KAZN: variants seen among roughly 807,000 people sequenced by gnomAD.
KAZN encodes kazrin.
A neutral mutation model predicts 87.4 loss-of-function variants in KAZN; 40 were observed. The ratio of observed to expected loss-of-function variants is 0.46; its 90% CI spans 0.36 to 0.60. The LOEUF is 0.60. Among genes scored for constraint, KAZN ranks in the 20% least tolerant of loss-of-function variants. KAZN has a pLI of 0.00. For missense variants in KAZN, 898 were observed against 1,073.9 expected (o/e 0.84, Z 2.29); for synonymous variants, 466 against 458.3 (o/e 1.02, Z -0.22).
At chr1:13,945,787 G>T (rs1641128818) in intron 1 of KAZN, among the ~76,000 whole-genome samples, 1 of 151,886 alleles carries the variant, frequency 6.6e-6, no homozygotes, top group Non-Finnish European at 1.5e-5. Flanking sequence ...GCCGGTGCCT[G>T]GTAGATGGGG....
At chr1:14,403,779 T>C (rs1019253776) in intron 2 of KAZN, among the ~76,000 whole-genome samples, 4 of 152,144 alleles carry the variant, frequency 2.6e-5, no homozygotes, top group Non-Finnish European at 4.4e-5. Flanking sequence ...TTGGTGAAAA[T>C]GCTACTGCTG....
At chr1:14,423,882 C>T (rs1665569343) in intron 2 of KAZN, among the ~76,000 whole-genome samples, 1 of 152,178 alleles carries the variant, frequency 6.6e-6, no homozygotes, top group Non-Finnish European at 1.5e-5. Flanking sequence ...CTGGGACCGT[C>T]CACATCAGCT....
chr1:13,945,710 T>TGTGTGTGTGTGTGTGA (rs757118365), intron 1 of KAZN, among the ~76,000 whole-genome samples: 8 of 137,182 alleles, frequency 5.8e-5, no homozygotes, highest in African/African-American at 2.0e-4. Flanking sequence ...TGTGTGTGTG[T>TGTGTGTGTGTGTGTGA]GAGAGAGAGA....
intron 2 of KAZN, among the ~76,000 whole-genome samples, chr1:14,489,457 C>G (rs191291978): frequency 1.5e-3 from 224 of 152,216 alleles, no homozygotes; most frequent in African/African-American, 4.9e-3. Flanking sequence ...GGGCTGGGCA[C>G]AGCGGCTCAT....
chr1:13,905,148 A>G (rs1639390816), intron 1 of KAZN, among the ~76,000 whole-genome samples: 1 of 152,058 alleles, frequency 6.6e-6, no homozygotes, highest in Non-Finnish European at 1.5e-5. Flanking sequence ...CTTGCTCTTG[A>G]TCATATGTTT....
chr1:14,150,216 T>A (rs1297722240), intron 1 of KAZN, among the ~76,000 whole-genome samples: 1 of 152,212 alleles, frequency 6.6e-6, no homozygotes, highest in Non-Finnish European at 1.5e-5. Context: ...ATGTCCATGT[T>A]ATCACCACTC....
chr1:14,527,753 T>C (rs771977558), intron 2 of KAZN, among the ~76,000 whole-genome samples: 12 of 151,992 alleles, frequency 7.9e-5, no homozygotes, highest in African/African-American at 2.4e-5. Context: ...AGGCTCTTTT[T>C]AACAGCCAGC....
rs185082129 is a variant in KAZN at position 14,718,179 on chromosome 1, T to C, written c.226+118956T>C. Reference sequence around the variant, plus strand: ...CTTCATGCTCTCTCTTCCAGCTGTTTGCACCACCACTTCAAATGGTTGATT... The same window carrying C: ...CTTCATGCTCTCTCTTCCAGCTGTTCGCACCACCACTTCAAATGGTTGATT... On this transcript the variant is annotated intron_variant, in intron 1 of 14. Transcript: ENST00000376030. Among the ~76,000 whole-genome samples the C allele has an allele frequency of 1.5e-4, 23 of 152,372 alleles. 1 individual carries two copies. The highest frequency in any genetic ancestry group is 3.4e-3 in the Middle Eastern group (1 of 294).
intron 4 of KAZN, among the ~76,000 whole-genome samples, chr1:15,050,923 T>G (rs1674331625): frequency 6.6e-6 from 1 of 152,230 alleles, no homozygotes; most frequent in South Asian, 2.1e-4. Context: ...CTGCTGGACC[T>G]GCTCCCACCC....
chr1:14,624,760 CAA>C (rs1342853724), intron 1 of KAZN, among the ~76,000 whole-genome samples: 1 of 152,104 alleles, frequency 6.6e-6, no homozygotes, highest in Non-Finnish European at 1.5e-5. Flanking sequence ...TCACTATCTG[CAA>C]AGAGTTTATA....
intron 1 of KAZN, among the ~76,000 whole-genome samples, chr1:14,623,771 G>C (rs1199749485): frequency 1.3e-5 from 2 of 150,234 alleles, no homozygotes; most frequent in Non-Finnish European, 3.0e-5. Flanking sequence ...TTTCTCTTTT[G>C]ATATCTAATT....
chr1:14,571,213 A>C (rs895177715), intron 2 of KAZN, among the ~76,000 whole-genome samples: 2 of 151,806 alleles, frequency 1.3e-5, no homozygotes, highest in African/African-American at 4.8e-5. Context: ...CTGTGAGCAC[A>C]GTCAATTTTT....
intron 2 of KAZN, among the ~76,000 whole-genome samples, chr1:14,368,361 C>T (rs748683438): frequency 9.2e-5 from 14 of 152,272 alleles, no homozygotes; most frequent in Admixed American, 2.6e-4. Context: ...ATGCAAGCAG[C>T]TGTTTACCTA....
intron 1 of KAZN, among the ~76,000 whole-genome samples, chr1:14,921,260 C>T (rs1658491871): frequency 6.6e-6 from 1 of 151,998 alleles, no homozygotes; most frequent in African/African-American, 2.4e-5. Context: ...TGTGGCCTTA[C>T]GAAGCAGCTT....
chr1:14,574,733 C>T (rs61585602), intron 2 of KAZN, among the ~76,000 whole-genome samples: 29,179 of 152,084 alleles, frequency 0.19, 2,981 homozygotes, highest in East Asian at 0.32. Context: ...AAGCTGAATG[C>T]TTAGGCACTG....
At chr1:14,760,121 T>C (rs1451510379) in intron 1 of KAZN, among the ~76,000 whole-genome samples, 1 of 152,010 alleles carries the variant, frequency 6.6e-6, no homozygotes, top group Non-Finnish European at 1.5e-5. Context: ...CAGGCTGAGG[T>C]TCCCCCAGGC....
At chr1:13,996,155 C>T (rs978216909) in intron 1 of KAZN, among the ~76,000 whole-genome samples, 5 of 152,164 alleles carry the variant, frequency 3.3e-5, no homozygotes, top group African/African-American at 9.7e-5. Flanking sequence ...AGTGAGTGAG[C>T]GTGCTACCCA....
chr1:14,774,171 G>T (rs1271846852), intron 1 of KAZN, among the ~76,000 whole-genome samples: 1 of 152,176 alleles, frequency 6.6e-6, no homozygotes, highest in Non-Finnish European at 1.5e-5. Context: ...TCCCCAAGAG[G>T]CAGTCTGGGG....
At chr1:14,901,391 G>A (rs973653695) in intron 1 of KAZN, among the ~76,000 whole-genome samples, 2 of 151,808 alleles carry the variant, frequency 1.3e-5, no homozygotes, top group African/African-American at 4.8e-5. Context: ...GGAGGCAGGG[G>A]ACAGATGATG....
Sources: gnomAD v4.1 joint callset for allele counts (sites outside exome capture counted in the v4.1 genomes callset) on GRCh38, gnomAD v4.1.1 for gene constraint, MANE v1.5 for transcripts, NCBI Gene and HGNC (gene_info 2026-07-23, HGNC 2026-07-21) for gene names.